Variants in PCDH9 observed in about 807,000 individuals in gnomAD.
PCDH9 encodes protocadherin 9, also known as protocadherin-9.
In PCDH9, 24 loss-of-function variants were observed where a neutral mutation model predicts 70.6. The observed-to-expected ratio is 0.34, with a 90% CI of 0.25 to 0.48. PCDH9 has a LOEUF of 0.48. Among genes scored for constraint, PCDH9 ranks in the 20% least tolerant of loss-of-function variants. The probability of loss-of-function intolerance (pLI) is 0.99; values close to 1 mark genes in which losing one functional copy is unlikely to be tolerated. For synonymous variants in PCDH9, 562 were observed against 558.5 expected, an observed-to-expected ratio of 1.01 and a Z score of -0.09; for missense variants, 1,281 against 1,503.6, an observed-to-expected ratio of 0.85 and a Z score of 2.45.
intron 3 of PCDH9, among the ~76,000 whole-genome samples, chr13:66,738,185 C>T (rs1191357796): frequency 6.6e-6 from 1 of 152,082 alleles, no homozygotes; most frequent in Non-Finnish European, 1.5e-5. Flanking sequence ...TCCCTGACCC[C>T]TGACCCCCGA....
At chr13:66,483,920 G>A (rs1958890640) in intron 4 of PCDH9, among the ~76,000 whole-genome samples, 1 of 150,724 alleles carries the variant, frequency 6.6e-6, no homozygotes, top group African/African-American at 2.4e-5. Context: ...GAAGACACAA[G>A]GTGTTGTATG....
intron 2 of PCDH9, among the ~76,000 whole-genome samples, chr13:66,963,608 G>T (rs2139730544): frequency 6.6e-6 from 1 of 152,192 alleles, no homozygotes; most frequent in African/African-American, 2.4e-5. Flanking sequence ...TTAAAAATTT[G>T]TCCCCTTTTC....
At chr13:66,622,469 C>T (rs1047554492) in intron 4 of PCDH9, among the ~76,000 whole-genome samples, 1 of 152,114 alleles carries the variant, frequency 6.6e-6, no homozygotes, top group Non-Finnish European at 1.5e-5. Flanking sequence ...GTAAATACAC[C>T]AATCGGCACT....
intron 4 of PCDH9, among the ~76,000 whole-genome samples, chr13:66,313,569 T>G (rs1285687169): frequency 6.6e-6 from 1 of 152,220 alleles, no homozygotes; most frequent in Non-Finnish European, 1.5e-5. Context: ...CGAGCCTGAA[T>G]ACAGGTCATA....
chr13:66,581,385 G>A (rs2076889892), intron 4 of PCDH9, among the ~76,000 whole-genome samples: 1 of 152,130 alleles, frequency 6.6e-6, no homozygotes, highest in Admixed American at 6.5e-5. Context: ...GCAATACTGG[G>A]TAGTGAATAA....
intron 3 of PCDH9, among the ~76,000 whole-genome samples, chr13:66,694,312 A>G (rs1161572689): frequency 1.3e-5 from 2 of 152,190 alleles, no homozygotes; most frequent in Non-Finnish European, 2.9e-5. Flanking sequence ...ATCAACATAG[A>G]CTAAAATATC....
rs1408803064 is a variant in PCDH9, at chr13:66,303,095, T to C, written c.*1560A>G. 8.5e-5 allele frequency: 13 copies of C among 152,270 alleles called. 1 individual carries two copies. Among genetic ancestry groups the C allele is most frequent in the Admixed American group, 7.9e-4 (12 of 15,206 alleles). 9.4% of individuals were successfully genotyped at this position (152,270 alleles called of 1,614,324 possible). A position where few individuals can be genotyped will look rare whatever the true frequency, so the allele number is the denominator to read the frequency against. Reference sequence around the variant, plus strand: ...AAATTAACTATCAGATTAGCAAACCTTTTTTTTAAATTTTTTGTTTTTTTT... The same window carrying C: ...AAATTAACTATCAGATTAGCAAACCCTTTTTTTAAATTTTTTGTTTTTTTT... On this transcript the variant is annotated 3_prime_UTR_variant, in exon 5 of 5. Transcript: ENST00000377865.
intron 3 of PCDH9, among the ~76,000 whole-genome samples, chr13:66,689,897 TC>T (rs1323323265): frequency 6.6e-6 from 1 of 152,198 alleles, no homozygotes; most frequent in East Asian, 1.9e-4. Flanking sequence ...TTTCTTGTCT[TC>T]TTTTTTATTT....
At position 66,955,762 on chromosome 13, in the gene PCDH9, C is replaced by T. The variant is rs186583515; in HGVS notation, c.3037-52157G>A. Among the ~76,000 whole-genome samples the T allele has an allele frequency of 2.7e-4, 41 of 152,142 alleles. 1 individual carries two copies. Among genetic ancestry groups the T allele is most frequent in the East Asian group, 1.4e-3 (7 of 5,176 alleles). On this transcript the variant is annotated intron_variant, in intron 2 of 4. Coordinates refer to ENST00000377865, the MANE Select transcript of PCDH9 (RefSeq NM_203487.3). ...CTTTAAAAATTCAAGGGAGAAATTG[C>T]GTTTGTTATGGGAATGACAAACAGA...
chr13:66,571,905 A>G (rs910463759), intron 4 of PCDH9, among the ~76,000 whole-genome samples: 15 of 152,120 alleles, frequency 9.9e-5, no homozygotes, highest in African/African-American at 3.6e-4. Flanking sequence ...ATGTTTGATT[A>G]CATATAAAAA....
intron 4 of PCDH9, among the ~76,000 whole-genome samples, chr13:66,319,830 A>G (rs1448382220): frequency 6.6e-6 from 1 of 152,058 alleles, no homozygotes; most frequent in African/African-American, 2.4e-5. Flanking sequence ...CTGGTATAAA[A>G]TCGTTACATG....
intron 3 of PCDH9, among the ~76,000 whole-genome samples, chr13:66,691,621 A>G (rs9540869): frequency 0.2 from 30,615 of 152,084 alleles, 3,317 homozygotes; most frequent in Middle Eastern, 0.31. Flanking sequence ...AAATTATTAT[A>G]ATACCTGTCC....
chr13:66,496,911 A>G (rs1388311086), intron 4 of PCDH9, among the ~76,000 whole-genome samples: 2 of 152,208 alleles, frequency 1.3e-5, no homozygotes, highest in Non-Finnish European at 2.9e-5. Flanking sequence ...AGGCTCTTAT[A>G]TCCAATGCAT....
chr13:66,963,400 C>G (rs775861480), intron 2 of PCDH9, among the ~76,000 whole-genome samples: 2 of 152,182 alleles, frequency 1.3e-5, no homozygotes, highest in East Asian at 3.9e-4. Context: ...CACCTTGGCT[C>G]TTAAGTACAA....
chr13:66,642,640 A>G (rs2077723792), intron 3 of PCDH9, among the ~76,000 whole-genome samples: 2 of 152,028 alleles, frequency 1.3e-5, no homozygotes, highest in African/African-American at 4.8e-5. Flanking sequence ...GCCTTTCACG[A>G]CCTGATTTTA....
At chr13:67,163,044 A>ATAG (rs2088007051) in intron 2 of PCDH9, among the ~76,000 whole-genome samples, 1 of 152,208 alleles carries the variant, frequency 6.6e-6, no homozygotes. Flanking sequence ...CCATATATAG[A>ATAG]TAGTAACACT....
chr13:67,121,102 C>CGGGACA (rs2086869901), intron 2 of PCDH9, among the ~76,000 whole-genome samples: 1 of 152,066 alleles, frequency 6.6e-6, no homozygotes, highest in African/African-American at 2.4e-5. Flanking sequence ...CATAGAGAAG[C>CGGGACA]GGGACAGACA....
In PCDH9 at chr13:66,336,025, C is replaced by A. The variant is rs190874536; in HGVS notation, c.3341-30997G>T. Among the ~76,000 whole-genome samples, 6 of 152,134 alleles carry A rather than the reference C, an allele frequency of 3.9e-5. No homozygotes were observed. The East Asian group carries it at 7.8e-4, about 20-fold the overall frequency. ...CCCAACATCCTCTGGACTGTGGCCC[C>A]TTCTAAAGATAAGCAGTCATGTGTG... On this transcript the variant is annotated intron_variant, in intron 4 of 4. Coordinates refer to ENST00000377865, the MANE Select transcript of PCDH9 (RefSeq NM_203487.3).
chr13:67,226,054 A>C lies in PCDH9; in HGVS notation c.2387T>G (p.Leu796Trp). The C allele has an allele frequency of 6.2e-7, 1 of 1,614,108 alleles. No homozygotes were observed. Among genetic ancestry groups the C allele is most frequent in the Non-Finnish European group, 8.5e-7 (1 of 1,180,010 alleles). The change falls in exon 2 of 5, where the codon TTG becomes TGG. Residue 796 changes from leucine to tryptophan, a missense_variant. Physicochemically the swap from Leu to Trp is moderately conservative, Grantham distance 61. Around this residue, in one of 4 missense-constraint regions of PCDH9, gnomAD observed 798 missense variants for 1,003.1 expected, o/e 0.80. Coordinates refer to ENST00000377865, the MANE Select transcript of PCDH9 (RefSeq NM_203487.3). The surrounding 1 kb of genome is among the most constrained non-coding windows in gnomAD (Gnocchi z 5.0). ...DLIRRTMETP[L>W]DRNIGDSSQP... ...GCTACTATCCCCTATGTTCCTGTCC[A>C]ACGGGGTCTCCATAGTCCTGCGGAT...
Sources: gnomAD v4.1 joint callset for allele counts (sites outside exome capture counted in the v4.1 genomes callset) on GRCh38, gnomAD v4.1.1 for gene constraint, gnomAD v4.1.1 regional missense constraint, Gnocchi (gnomAD v3.1) non-coding constraint, MANE v1.5 for transcripts, NCBI Gene and HGNC (gene_info 2026-07-23, HGNC 2026-07-21) for gene names.